The following B4GALT1 variants were observed in gnomAD, a reference collection of about 807,000 sequenced individuals.
The protein encoded by B4GALT1 is N-acetyllactosamine synthase.
Under a neutral mutation model 34.9 loss-of-function variants are expected in B4GALT1, and 16 were observed. The ratio of observed to expected loss-of-function variants is 0.46; its 90% CI spans 0.31 to 0.70. B4GALT1 has a LOEUF of 0.70. Among genes scored for constraint, B4GALT1 ranks in the 30% least tolerant of loss-of-function variants. The pLI is 0.05. For synonymous variants in B4GALT1, 221 were observed against 218.1 expected, an observed-to-expected ratio of 1.01 and a Z score of -0.12; for missense variants, 445 against 530.5, an observed-to-expected ratio of 0.84 and a Z score of 1.58.
chr9:33,180,572 G>A, the B4GALT1 span, among the ~76,000 whole-genome samples: 283 of 152,244 alleles, frequency 1.9e-3, 1 homozygote, highest in African/African-American at 6.2e-3. Flanking sequence ...CTGCTCTGCC[G>A]TGGCCACCAT....
At chr9:33,121,815 T>C (rs981434367) in intron 2 of B4GALT1, among the ~76,000 whole-genome samples, 3 of 152,092 alleles carry the variant, frequency 2.0e-5, no homozygotes, top group African/African-American at 7.2e-5. Context: ...GGGTTCAACA[T>C]ACAATGGCAG....
intron 1 of B4GALT1, among the ~76,000 whole-genome samples, chr9:33,157,144 A>ACACACACACACACG (rs1554688671): frequency 2.3e-4 from 34 of 150,976 alleles, no homozygotes; most frequent in Admixed American, 4.6e-4. Context: ...ACACACACAC[A>ACACACACACACACG]CACACACACA....
intron 1 of B4GALT1, among the ~76,000 whole-genome samples, chr9:33,152,286 A>G (rs1471754149): frequency 1.3e-5 from 2 of 151,804 alleles, no homozygotes; most frequent in African/African-American, 2.4e-5. Context: ...CCTGGGCGAC[A>G]GAGCAAGACT....
At chr9:33,178,156 T>C in the B4GALT1 span, among the ~76,000 whole-genome samples, 41 of 152,026 alleles carry the variant, frequency 2.7e-4, no homozygotes, top group Admixed American at 2.2e-3. Flanking sequence ...CATTCCCAGC[T>C]AATTTTTGTA....
chr9:33,140,213 A>G (rs1419371771), intron 1 of B4GALT1, among the ~76,000 whole-genome samples: 4 of 152,214 alleles, frequency 2.6e-5, no homozygotes, highest in Admixed American at 6.5e-5. Context: ...CCTCAGCAAA[A>G]TAGGCTGAAA....
chr9:33,114,103 C>A (rs1422245414), intron 4 of B4GALT1, among the ~76,000 whole-genome samples: 1 of 152,240 alleles, frequency 6.6e-6, no homozygotes, highest in Non-Finnish European at 1.5e-5. Context: ...TGTTGACTAC[C>A]ATGTGCCAGA....
At chr9:33,129,832 A>G (rs939106808) in intron 2 of B4GALT1, among the ~76,000 whole-genome samples, 1 of 152,128 alleles carries the variant, frequency 6.6e-6, no homozygotes, top group Non-Finnish European at 1.5e-5. Context: ...AGCATAAGCA[A>G]AGGCACACAG....
At chr9:33,148,292 A>G (rs1840458251) in intron 1 of B4GALT1, among the ~76,000 whole-genome samples, 1 of 152,184 alleles carries the variant, frequency 6.6e-6, no homozygotes, top group African/African-American at 2.4e-5. Context: ...AGTTAAAACA[A>G]AGAGTTATCC....
intron 2 of B4GALT1, among the ~76,000 whole-genome samples, chr9:33,122,577 C>A: frequency 6.6e-6 from 1 of 152,072 alleles, no homozygotes; most frequent in East Asian, 1.9e-4. Flanking sequence ...TGCCTGTGTG[C>A]GTACAGAATG....
At chr9:33,181,453 C>CACACACAA in the B4GALT1 span, among the ~76,000 whole-genome samples, 11 of 151,080 alleles carry the variant, frequency 7.3e-5, no homozygotes, top group African/African-American at 2.7e-4. Flanking sequence ...CACACACACA[C>CACACACAA]ACACACAAAC....
At chr9:33,179,694 C>G in the B4GALT1 span, 1 of 152,168 alleles carries the variant, frequency 6.6e-6, no homozygotes, top group Non-Finnish European at 1.5e-5. Context: ...GAAGACCAAC[C>G]TTCTATTTTT....
intron 1 of B4GALT1, among the ~76,000 whole-genome samples, chr9:33,160,992 TATCCCC>T: frequency 6.6e-6 from 1 of 151,846 alleles, no homozygotes; most frequent in South Asian, 2.1e-4. Context: ...CCCCTATCCC[TATCCCC>T]AACATCTCTG....
chr9:33,155,320 T>A (rs566717301), intron 1 of B4GALT1, among the ~76,000 whole-genome samples: 2 of 152,298 alleles, frequency 1.3e-5, no homozygotes, highest in South Asian at 2.1e-4. Flanking sequence ...TACAGGCTTG[T>A]GCTTTAGTTT....
chr9:33,134,899 T>C (rs1840244115), intron 2 of B4GALT1, among the ~76,000 whole-genome samples: 1 of 152,216 alleles, frequency 6.6e-6, no homozygotes. Flanking sequence ...TTTGGAATAA[T>C]TAGGGTTGTC....
chr9:33,153,089 C>T (rs144038278), intron 1 of B4GALT1, among the ~76,000 whole-genome samples: 232 of 152,150 alleles, frequency 1.5e-3, no homozygotes, highest in Middle Eastern at 6.8e-3. Flanking sequence ...TGAAAATTTG[C>T]TTAACTTCAT....
upstream of B4GALT1, among the ~76,000 whole-genome samples, chr9:33,167,944 A>G (rs1413070992): frequency 1.3e-5 from 2 of 152,216 alleles, no homozygotes; most frequent in Non-Finnish European, 2.9e-5. Context: ...ACGGGTTGCC[A>G]CTTCTGTGCC....
intron 1 of B4GALT1, among the ~76,000 whole-genome samples, chr9:33,141,038 C>A (rs1840341714): frequency 6.6e-6 from 1 of 152,236 alleles, no homozygotes; most frequent in Admixed American, 6.5e-5. Flanking sequence ...AGGAAGCCTT[C>A]CCAGACCACT....
chr9:33,143,939 G>A (rs1176019734), intron 1 of B4GALT1, among the ~76,000 whole-genome samples: 1 of 150,482 alleles, frequency 6.6e-6, no homozygotes, highest in African/African-American at 2.5e-5. Flanking sequence ...TTGCAGTGGT[G>A]CCAGCTCACT....
intron 1 of B4GALT1, among the ~76,000 whole-genome samples, chr9:33,145,609 A>G (rs1207922582): frequency 6.6e-6 from 1 of 151,938 alleles, no homozygotes; most frequent in Non-Finnish European, 1.5e-5. Context: ...TGTTGGCCCC[A>G]TGGTTACACA....
Sources: allele counts gnomAD v4.1 joint callset (sites outside exome capture counted in the v4.1 genomes callset), GRCh38; gene constraint gnomAD v4.1.1; transcripts MANE v1.5; gene names NCBI Gene and HGNC (gene_info 2026-07-23, HGNC 2026-07-21).